Variants in MEAK7 observed in about 807,000 individuals in gnomAD.
MEAK7 encodes the protein MTOR-associated protein MEAK7.
MEAK7 carries 68 observed loss-of-function variants against 40.5 expected under a neutral mutation model. The observed-to-expected ratio is 1.68, with a 90% CI of 1.38 to 2.06. MEAK7 has a LOEUF of 2.06. MEAK7 is among the 30% of genes most tolerant of loss of function. The pLI is 0.00. For missense variants in MEAK7, 918 were observed against 580.5 expected (o/e 1.58, Z -5.98); for synonymous variants, 338 against 231.9 (o/e 1.46, Z -4.16).
chr16:84,483,810 G>C (rs1912790755), intron 5 of MEAK7, among the ~76,000 whole-genome samples: 1 of 152,208 alleles, frequency 6.6e-6, no homozygotes, highest in African/African-American at 2.4e-5. Context: ...CCATGGAGAA[G>C]GGATCCCATG....
rs1240422180 is a variant in MEAK7 at position 84,478,342 on chromosome 16, A to C, written c.*1571T>G. The C allele has an allele frequency of 2.0e-5, 3 of 152,138 alleles. No homozygotes were observed. The highest frequency in any genetic ancestry group is 6.5e-5 in the Admixed American group (1 of 15,276). 9.4% of individuals were successfully genotyped at this position (152,138 alleles called of 1,614,324 possible). A position where few individuals can be genotyped will look rare whatever the true frequency, so the allele number is the denominator to read the frequency against. On this transcript the variant is annotated 3_prime_UTR_variant, in exon 8 of 8. Coordinates refer to ENST00000343629, the MANE Select transcript of MEAK7 (RefSeq NM_020947.4). ...GTCTGAGCGTGCACTTTTCTTTCGAAGGCTAATTTATGAGGCATTCTGCCT... is the reference window on the plus strand; with the variant it reads ...GTCTGAGCGTGCACTTTTCTTTCGACGGCTAATTTATGAGGCATTCTGCCT...
chr16:84,498,049 C>G lies in MEAK7; in HGVS notation c.38G>C (p.Cys13Ser). The change falls in exon 2 of 8, where the codon TGT becomes TCT. Residue 13 changes from cysteine (C) to serine (S), a missense_variant. Physicochemically the swap from Cys to Ser is moderately radical, Grantham distance 112 (BLOSUM62 -1). Transcript: ENST00000343629. ...NSRSRVGRSF[C>S]SQFLPEEQAE... ...CTGTTCCTCAGGAAGAAACTGTGAA[C>G]AAAAGCTCCGCCCCACACGGCTTCT... The G allele has an allele frequency of 1.2e-6, 2 of 1,614,028 alleles. No individual in the cohort carries two copies. Among genetic ancestry groups the G allele is most frequent in the Non-Finnish European group, 1.7e-6 (2 of 1,179,956 alleles).
At chr16:84,483,315 G>A (rs1912742973) in intron 5 of MEAK7, among the ~76,000 whole-genome samples, 1 of 152,218 alleles carries the variant, frequency 6.6e-6, no homozygotes, top group Non-Finnish European at 1.5e-5. Context: ...CAGTCTCAGA[G>A]ACTCCTCCAC....
intron 3 of MEAK7, among the ~76,000 whole-genome samples, chr16:84,493,793 T>C (rs912159623): frequency 2.6e-5 from 4 of 152,196 alleles, no homozygotes; most frequent in Admixed American, 6.5e-5. Flanking sequence ...GGAACAGCAT[T>C]TTCAGATTAC....
intron 7 of MEAK7, 65 bp downstream of exon 7, chr16:84,480,464 G>A: frequency 1.3e-6 from 2 of 1,506,336 alleles, no homozygotes; most frequent in East Asian, 2.4e-5. Context: ...GTAATGGTAA[G>A]AAAATGCAGA....
intron 5 of MEAK7, among the ~76,000 whole-genome samples, chr16:84,483,992 GC>G (rs1464178390): frequency 6.6e-6 from 1 of 152,196 alleles, no homozygotes; most frequent in African/African-American, 2.4e-5. Flanking sequence ...AGGCTTGAGG[GC>G]AGGTTTAGAC....
chr16:84,504,024 G>C (rs1009735677), intron 1 of MEAK7: 3 of 985,532 alleles, frequency 3.0e-6, no homozygotes, highest in African/African-American at 3.5e-5. Context: ...CTGTGTCTCA[G>C]AGCCCAGAGG....
Position 84,498,135 on chromosome 16 carries a change from T to A in MEAK7, c.-25-24A>T, listed in dbSNP as rs770339490. ...CTCTGCAGAAGGAAAAGACACAACA[T>A]TAGAAAAATCAAAATTTAATAATCA... On this transcript the variant is annotated intron_variant, in intron 1 of 7. Coordinates refer to ENST00000343629, the MANE Select transcript of MEAK7 (RefSeq NM_020947.4). 9 of 1,535,146 alleles carry A rather than the reference T, an allele frequency of 5.9e-6. No individual in the cohort carries two copies. In the South Asian group the frequency reaches 1.2e-4, roughly 20 times the overall value.
intron 3 of MEAK7, chr16:84,494,591 A>G (rs925501267): frequency 3.8e-6 from 1 of 260,146 alleles, no homozygotes; most frequent in African/African-American, 2.3e-5. Context: ...TGATATATGG[A>G]CTTCAGAGTA....
rs1362456629 is a variant in MEAK7, at chr16:84,479,600, G to C, written c.*313C>G. On this transcript the variant is annotated 3_prime_UTR_variant, in exon 8 of 8. Coordinates refer to ENST00000343629, the MANE Select transcript of MEAK7 (RefSeq NM_020947.4). ...GGGTCTGAAAGGTCTCAGCTGCTTA[G>C]GATTTCGTTGGTAAAAAAGAACAAA... 4.3e-6 allele frequency: 1 copy of C among 231,776 alleles called. No homozygotes were observed. The highest frequency in any genetic ancestry group is 8.3e-6 in the Non-Finnish European group (1 of 120,340). The allele number at this position is 231,776 out of a possible 1,614,324, so 14.4% of individuals were successfully genotyped here. A position where few individuals can be genotyped will look rare whatever the true frequency, so the allele number is the denominator to read the frequency against.
chr16:84,489,536 G>A (rs1326114520), intron 3 of MEAK7, 114 bp from the exon 4 acceptor site: 2 of 1,220,014 alleles, frequency 1.6e-6, no homozygotes, highest in East Asian at 2.5e-5. Flanking sequence ...GGGCCACAAT[G>A]TGGGGAAAGG....
intron 4 of MEAK7, 44 bp downstream of exon 4, chr16:84,489,234 C>G (rs1351342961): frequency 6.2e-7 from 1 of 1,602,908 alleles, no homozygotes; most frequent in African/African-American, 1.3e-5. Context: ...GCAGGTACCG[C>G]TCTACAGCAA....
At chr16:84,487,218 G>A in intron 4 of MEAK7, 159 bp from the exon 5 acceptor site, 3 of 586,332 alleles carry the variant, frequency 5.1e-6, no homozygotes, top group Non-Finnish European at 5.6e-6. Flanking sequence ...CAGTGTAAAA[G>A]GCACACTTGA....
At chr16:84,499,422 G>A (rs1468870356) in intron 1 of MEAK7, among the ~76,000 whole-genome samples, 1 of 152,126 alleles carries the variant, frequency 6.6e-6, no homozygotes, top group Non-Finnish European at 1.5e-5. Flanking sequence ...AGGGGGAAAG[G>A]CCATGCTACT....
rs938355704 is a variant in MEAK7 at position 84,477,194 on chromosome 16, C to CTT, written c.*2717_*2718dup. The stretch of plus-strand genomic sequence containing the variant: ...ACAGGCGTGAGCCATCACACCCAGC[C>CTT]TTTTTTTTTTTCTTGAAACGGAGTT... On this transcript the variant is annotated 3_prime_UTR_variant, in exon 8 of 8. Transcript: ENST00000343629. 3.4e-5 allele frequency: 5 copies of CTT among 146,452 alleles called. No individual in the cohort carries two copies. The highest frequency in any genetic ancestry group is 2.2e-4 in the South Asian group (1 of 4,582). The allele number at this position is 146,452 out of a possible 1,614,324, so 9.1% of individuals were successfully genotyped here.
chr16:84,494,878 A>C, intron 3 of MEAK7: 1 of 440,310 alleles, frequency 2.3e-6, no homozygotes, highest in Non-Finnish European at 4.5e-6. Flanking sequence ...ACTCCAATTC[A>C]CTCTGCCAAA....
intron 3 of MEAK7, among the ~76,000 whole-genome samples, chr16:84,490,655 T>TGTGTGTGTGC (rs1491508524): frequency 3.3e-5 from 1 of 30,446 alleles, no homozygotes; most frequent in African/African-American, 1.4e-4. Context: ...CTAATCAAGA[T>TGTGTGTGTGC]GTGTGTGTGT....
intron 4 of MEAK7, 68 bp from the exon 5 acceptor site, chr16:84,487,127 C>T: frequency 6.7e-7 from 1 of 1,495,224 alleles, no homozygotes; most frequent in Non-Finnish European, 9.0e-7. Context: ...TCTAAACCCA[C>T]ACTGATCAGT....
chr16:84,500,760 G>A (rs567637), intron 1 of MEAK7, among the ~76,000 whole-genome samples: 79,386 of 151,950 alleles, frequency 0.52, 21,842 homozygotes, highest in Non-Finnish European at 0.61. Flanking sequence ...CTGAAACAGA[G>A]GGGCTGCACC....
Sources: gnomAD v4.1 joint callset for allele counts (sites outside exome capture counted in the v4.1 genomes callset) on GRCh38, gnomAD v4.1.1 for gene constraint, MANE v1.5 for transcripts, NCBI Gene and HGNC (gene_info 2026-07-23, HGNC 2026-07-21) for gene names.